Variants in NBAS observed in about 807,000 individuals in gnomAD.
The protein encoded by NBAS is NBAS subunit of NRZ tethering complex, also known as NAG/BC035112 fusion.
A neutral mutation model predicts 302.5 loss-of-function variants in NBAS; 219 were observed. The ratio of observed to expected loss-of-function variants is 0.72; its 90% CI spans 0.65 to 0.81. NBAS has a LOEUF of 0.81. NBAS is among the 30% of genes least tolerant of loss of function. The pLI is 0.00. For synonymous variants in NBAS, 1,118 were observed against 1,021.6 expected, an observed-to-expected ratio of 1.09 and a Z score of -1.80; for missense variants, 2,932 against 2,841.6, an observed-to-expected ratio of 1.03 and a Z score of -0.72.
chr2:15,031,110 A>G, the NBAS span, among the ~76,000 whole-genome samples: 1 of 152,398 alleles, frequency 6.6e-6, no homozygotes, highest in East Asian at 1.9e-4. Context: ...CAGAATGTAT[A>G]GTTCCTATAG....
At chr2:15,417,788 C>CAGAATCTATA in intron 23 of NBAS, 76 bp from the exon 24 acceptor site, 2 of 1,366,530 alleles carry the variant, frequency 1.5e-6, no homozygotes, top group Non-Finnish European at 2.0e-6. Flanking sequence ...GTCTCCAGTA[C>CAGAATCTATA]AGAATCTAAT....
chr2:14,923,049 G>A, the NBAS span, among the ~76,000 whole-genome samples: 46 of 152,304 alleles, frequency 3.0e-4, no homozygotes, highest in African/African-American at 1.1e-3. Flanking sequence ...CTACTCTGGA[G>A]GCTGAGGCAG....
chr2:15,179,426 T>G (rs1416742947), intron 50 of NBAS: 3 of 326,616 alleles, frequency 9.2e-6, no homozygotes. Flanking sequence ...AGCCCTAATT[T>G]CCTCATAAGT....
chr2:15,536,538 A>G lies in NBAS; in HGVS notation c.527T>C (p.Ile176Thr). ...LFVISPASSF[I>T]GDLSYAIAGL... ...AGCAATGGCATAGCTTAAGTCACCT[A>G]TAAAACTAGATGCCTACAGAAGAGG... Residue 176 changes from isoleucine to threonine, a missense_variant, in exon 8 of 52, where the codon ATA becomes ACA. Coordinates refer to ENST00000281513, the MANE Select transcript of NBAS (RefSeq NM_015909.4). 1 of 1,610,766 alleles carries G rather than the reference A, an allele frequency of 6.2e-7. No individual in the cohort carries two copies. Among genetic ancestry groups the G allele is most frequent in the Non-Finnish European group, 8.5e-7 (1 of 1,179,008 alleles).
chr2:15,253,841 A>G lies in NBAS; in HGVS notation c.5725-15155T>C, dbSNP rs541842999. Among the ~76,000 whole-genome samples the G allele has an allele frequency of 5.4e-4, 82 of 152,272 alleles. No homozygotes were observed. The South Asian group carries it at 0.016, about 30-fold the overall frequency. On this transcript the variant is annotated intron_variant, in intron 44 of 51. Coordinates refer to ENST00000281513, the MANE Select transcript of NBAS (RefSeq NM_015909.4). The stretch of plus-strand genomic sequence containing the variant: ...CCTTTGCAAAAATTTTAACAGTGAG[A>G]AAATTATGGCAGTGGGGGAGATCTA...
chr2:15,318,498 A>C (rs1253471059), intron 38 of NBAS, among the ~76,000 whole-genome samples: 2 of 152,166 alleles, frequency 1.3e-5, no homozygotes, highest in Non-Finnish European at 2.9e-5. Context: ...TATTCAGGAG[A>C]CCCATCTCAC....
At chr2:15,034,682 C>A in the NBAS span, among the ~76,000 whole-genome samples, 5 of 152,066 alleles carry the variant, frequency 3.3e-5, no homozygotes, top group African/African-American at 4.8e-5. Context: ...TGGACTACTC[C>A]CTAGTATTTT....
intron 32 of NBAS, among the ~76,000 whole-genome samples, chr2:15,362,255 A>T (rs2148329442): frequency 6.6e-6 from 1 of 151,664 alleles, no homozygotes; most frequent in Non-Finnish European, 1.5e-5. Context: ...AGGTAGGAGG[A>T]TCGTTTGTGG....
intron 38 of NBAS, 50 bp from the exon 39 acceptor site, chr2:15,309,297 CAT>C: frequency 6.9e-7 from 1 of 1,458,200 alleles, no homozygotes; most frequent in Non-Finnish European, 9.5e-7. Flanking sequence ...ATATGATATT[CAT>C]AGTTATTAAA....
At chr2:14,868,572 G>A in the NBAS span, among the ~76,000 whole-genome samples, 13 of 152,178 alleles carry the variant, frequency 8.5e-5, 1 homozygote, top group African/African-American at 3.1e-4. Flanking sequence ...AGCCAAGGTT[G>A]TAGGCACGGA....
At chr2:15,309,465 C>T (rs1370104287) in intron 38 of NBAS, among the ~76,000 whole-genome samples, 2 of 152,092 alleles carry the variant, frequency 1.3e-5, no homozygotes, top group Non-Finnish European at 2.9e-5. Flanking sequence ...TGGTTACTTA[C>T]ACATGAGGAA....
chr2:15,433,280 C>G (rs1478726442), intron 21 of NBAS, among the ~76,000 whole-genome samples: 1 of 152,132 alleles, frequency 6.6e-6, no homozygotes, highest in African/African-American at 2.4e-5. Flanking sequence ...CCTCACTTTC[C>G]TCACTAGTGA....
chr2:15,101,693 T>C, the NBAS span, among the ~76,000 whole-genome samples: 886 of 152,248 alleles, frequency 5.8e-3, 9 homozygotes, highest in African/African-American at 0.02. Flanking sequence ...GATTTCTTTA[T>C]CCAATGTCAA....
At position 15,202,329 on chromosome 2, in the gene NBAS, T is replaced by C. The variant is rs538643651; in HGVS notation, c.6433-11926A>G. On this transcript the variant is annotated intron_variant, in intron 48 of 51. Transcript: ENST00000281513. ...TGTAATCACTCCCCATAAGTGCTGC[T>C]GTCACTTCGATATGTAATACATATT... 1.1e-4 allele frequency among the ~76,000 whole-genome samples: 17 copies of C among 152,364 alleles called. No homozygotes were observed. The South Asian group carries it at 2.5e-3, about 22-fold the overall frequency.
chr2:15,309,275 T>C (rs548289738), intron 38 of NBAS, 28 bp from the exon 39 acceptor site: 20 of 1,577,520 alleles, frequency 1.3e-5, no homozygotes, highest in South Asian at 6.7e-5. Context: ...AACATTATTT[T>C]ACTGAGGTTG....
the NBAS span, among the ~76,000 whole-genome samples, chr2:14,932,049 A>T: frequency 6.6e-6 from 1 of 152,186 alleles, no homozygotes; most frequent in South Asian, 2.1e-4. Context: ...TTACAGCAGA[A>T]ATGTCTTTAC....
At chr2:14,862,727 ATTT>A in the NBAS span, among the ~76,000 whole-genome samples, 1 of 152,228 alleles carries the variant, frequency 6.6e-6, no homozygotes, top group Non-Finnish European at 1.5e-5. Flanking sequence ...AGCTTTTATT[ATTT>A]AAGGTAATGT....
chr2:15,548,146 G>A (rs1457019103), intron 6 of NBAS, among the ~76,000 whole-genome samples: 1 of 152,106 alleles, frequency 6.6e-6, no homozygotes, highest in African/African-American at 2.4e-5. Flanking sequence ...ATACTTTGTT[G>A]GTATATTCAT....
At chr2:15,369,708 G>A (rs1041307543) in intron 31 of NBAS, among the ~76,000 whole-genome samples, 1 of 152,140 alleles carries the variant, frequency 6.6e-6, no homozygotes, top group African/African-American at 2.4e-5. Context: ...ACATGAAAAA[G>A]ATAGGCATGT....
Sources: gnomAD v4.1 joint callset for allele counts (sites outside exome capture counted in the v4.1 genomes callset) on GRCh38, gnomAD v4.1.1 for gene constraint, MANE v1.5 for transcripts, NCBI Gene and HGNC (gene_info 2026-07-23, HGNC 2026-07-21) for gene names.